Variants in CTDSPL observed in about 807,000 individuals in gnomAD.
CTDSPL encodes CTD small phosphatase-like protein.
In CTDSPL, 8 loss-of-function variants were observed where a neutral mutation model predicts 30.5. That is an observed-to-expected ratio of 0.26 (90% CI 0.15 to 0.47). CTDSPL has a LOEUF of 0.47. Among genes scored for constraint, CTDSPL ranks in the 20% least tolerant of loss-of-function variants. The probability of loss-of-function intolerance (pLI) is 0.99; values close to 1 mark genes in which losing one functional copy is unlikely to be tolerated. For synonymous variants in CTDSPL, 110 were observed against 137.9 expected (o/e 0.80, Z 1.42); for missense variants, 248 against 366.1 (o/e 0.68, Z 2.63).
At chr3:37,931,288 C>A (rs538577207) in intron 1 of CTDSPL, among the ~76,000 whole-genome samples, 9 of 152,118 alleles carry the variant, frequency 5.9e-5, no homozygotes, top group Admixed American at 2.0e-4. Context: ...GCTGGGACTA[C>A]AGGTGCACTC....
rs762730683 is a variant in CTDSPL at position 37,957,099 on chromosome 3, C to A, written c.235-12C>A. 1 of 1,583,634 alleles carries A rather than the reference C, an allele frequency of 6.3e-7. No homozygotes were observed. The highest frequency in any genetic ancestry group is 8.6e-7 in the Non-Finnish European group (1 of 1,163,602). On this transcript the variant is annotated splice_polypyrimidine_tract_variant and intron_variant, in intron 2 of 7. Transcript: ENST00000273179. ...CGAACCTGACAATGATTTTTTTTTT[C>A]TTTTTCCTCAGGGTGACCAGAGGCA...
chr3:37,862,254 C>G lies in CTDSPL; in HGVS notation c.55C>G (p.Arg19Gly), dbSNP rs985189337. 1.3e-6 allele frequency: 2 copies of G among 1,494,482 alleles called. No individual in the cohort carries two copies. Among genetic ancestry groups the G allele is most frequent in the African/African-American group, 1.5e-5 (1 of 68,274 alleles). The allele number at this position is 1,494,482 out of a possible 1,614,324, so 92.6% of individuals were successfully genotyped here. ...GACCAACCCCAAGGAGGACGAGGGCCGGTTGCCGGGCGCGGGCGAGAAAGG... is the reference window on the plus strand; with the variant it reads ...GACCAACCCCAAGGAGGACGAGGGCGGGTTGCCGGGCGCGGGCGAGAAAGG... ...QVTNPKEDEGRLPGAGEKASQ... is the reference protein window; with the variant it reads ...QVTNPKEDEGGLPGAGEKASQ... The change falls in exon 1 of 8, where the codon CGG (arginine) becomes GGG (glycine). Residue 19 changes from arginine to glycine, a missense_variant. By Grantham distance (125) the Arg-to-Gly change is moderately radical. Around this residue, in one of 4 missense-constraint regions of CTDSPL, gnomAD observed 118 missense variants for 124.7 expected, o/e 0.95. Transcript: ENST00000273179. The surrounding 1 kb of genome is among the most constrained non-coding windows in gnomAD (Gnocchi z 4.3).
chr3:37,895,600 T>A (rs1449372594), intron 1 of CTDSPL, among the ~76,000 whole-genome samples: 1 of 152,240 alleles, frequency 6.6e-6, no homozygotes, highest in Non-Finnish European at 1.5e-5. Flanking sequence ...CTTTTTCCAT[T>A]TTCCAAGTGT....
chr3:37,917,371 T>A (rs1355442563), intron 1 of CTDSPL, among the ~76,000 whole-genome samples: 1 of 152,246 alleles, frequency 6.6e-6, no homozygotes, highest in Non-Finnish European at 1.5e-5. Flanking sequence ...CTGGTTTATA[T>A]ACAAATGAAA....
At chr3:37,870,054 C>T (rs1022747680) in intron 1 of CTDSPL, among the ~76,000 whole-genome samples, 3 of 151,892 alleles carry the variant, frequency 2.0e-5, no homozygotes, top group Non-Finnish European at 4.4e-5. Context: ...TGTTGGTCTG[C>T]AGTTTTCTTT....
rs866986204 is a variant in CTDSPL, at chr3:37,941,391, T to C, written c.80-5666T>C. 1.3e-5 allele frequency among the ~76,000 whole-genome samples: 2 copies of C among 149,690 alleles called. 1 individual carries two copies. The highest frequency in any genetic ancestry group is 3.0e-5 in the Non-Finnish European group (2 of 66,762). ...CATCTTTGTGTGCTGGGACCGGCTA[T>C]GGGCATGCTTTCTTTCTATCTTTTT... On this transcript the variant is annotated intron_variant, in intron 1 of 7. Transcript: ENST00000273179.
chr3:37,949,987 G>A (rs1340115125), intron 2 of CTDSPL, among the ~76,000 whole-genome samples: 2 of 152,236 alleles, frequency 1.3e-5, no homozygotes. Context: ...ACACTCGAAT[G>A]TATAGTCCCA....
At chr3:37,945,932 G>A (rs1297377859) in intron 1 of CTDSPL, among the ~76,000 whole-genome samples, 2 of 152,234 alleles carry the variant, frequency 1.3e-5, no homozygotes, top group Non-Finnish European at 2.9e-5. Context: ...GAGGAACTAG[G>A]TGTTACACAA....
intron 7 of CTDSPL, among the ~76,000 whole-genome samples, chr3:37,979,039 A>G (rs949550040): frequency 1.3e-5 from 2 of 152,208 alleles, no homozygotes; most frequent in Non-Finnish European, 2.9e-5. Flanking sequence ...ACATAATTAT[A>G]TAATTGATCT....
chr3:37,865,091 G>A (rs1226607775), intron 1 of CTDSPL, among the ~76,000 whole-genome samples: 1 of 152,218 alleles, frequency 6.6e-6, no homozygotes, highest in African/African-American at 2.4e-5. Flanking sequence ...TTGACACATT[G>A]CCACGTGGTG....
chr3:37,972,788 G>C (rs1699382711), intron 6 of CTDSPL, among the ~76,000 whole-genome samples: 1 of 152,208 alleles, frequency 6.6e-6, no homozygotes, highest in South Asian at 2.1e-4. Flanking sequence ...TGATGGGGCT[G>C]ACACCATCCA....
chr3:37,874,732 AAAT>A (rs111575729), intron 1 of CTDSPL, among the ~76,000 whole-genome samples: 9 of 151,714 alleles, frequency 5.9e-5, no homozygotes, highest in Non-Finnish European at 1.0e-4. Context: ...CTGTCTCAAA[AAAT>A]AATAATAATA....
chr3:37,973,039 T>C (rs1191720506), intron 6 of CTDSPL, among the ~76,000 whole-genome samples: 5 of 152,230 alleles, frequency 3.3e-5, no homozygotes, highest in African/African-American at 1.2e-4. Flanking sequence ...TCTGTGATGA[T>C]TGAGGGGCGG....
chr3:37,913,750 C>G (rs1006523787), intron 1 of CTDSPL, among the ~76,000 whole-genome samples: 2 of 152,212 alleles, frequency 1.3e-5, no homozygotes, highest in Non-Finnish European at 2.9e-5. Context: ...CTCCAGGAAC[C>G]TACCAGCGTT....
rs776065712 is a variant in CTDSPL at position 37,971,424 on chromosome 3, G to A, written c.444G>A (p.Arg148=). ...CATTGCAGGTGTATGTGCTGAAGCG[G>A]CCACATGTGGACGAGTTCCTCCAGA... The part of the protein sequence containing the change: ...GTIHQVYVLK[R]PHVDEFLQRM... Residue 148 remains arginine, a synonymous_variant, in exon 6 of 8, where the codon CGG becomes CGA. Coordinates refer to ENST00000273179, the MANE Select transcript of CTDSPL (RefSeq NM_001008392.2). The A allele has an allele frequency of 8.1e-6, 13 of 1,614,000 alleles. No individual in the cohort carries two copies. Among genetic ancestry groups the A allele is most frequent in the Admixed American group, 6.7e-5 (4 of 59,988 alleles).
chr3:37,966,611 AAAC>A (rs1699301327), intron 4 of CTDSPL, among the ~76,000 whole-genome samples: 1 of 152,240 alleles, frequency 6.6e-6, no homozygotes, highest in Non-Finnish European at 1.5e-5. Flanking sequence ...ATATGATATT[AAAC>A]TCATCCTTGG....
intron 1 of CTDSPL, among the ~76,000 whole-genome samples, chr3:37,883,148 A>T (rs1419442364): frequency 6.6e-6 from 1 of 152,196 alleles, no homozygotes; most frequent in Non-Finnish European, 1.5e-5. Flanking sequence ...TTGGAAAGAG[A>T]ACAAAGACAT....
rs1285929392 is a variant in CTDSPL at position 37,984,285 on chromosome 3, G to A, written c.*3418G>A. The A allele has an allele frequency of 1.3e-5, 6 of 456,738 alleles. No homozygotes were observed. The highest frequency in any genetic ancestry group is 2.3e-5 in the Admixed American group (1 of 42,560). The allele number at this position is 456,738 out of a possible 1,614,324, so 28.3% of individuals were successfully genotyped here. ...AGACTGACACACCCTCCCCCACCCC[G>A]GGTAGTGGAGATGCTGGTGTCTGGG... On this transcript the variant is annotated 3_prime_UTR_variant, in exon 8 of 8. Coordinates refer to ENST00000273179, the MANE Select transcript of CTDSPL (RefSeq NM_001008392.2).
chr3:37,935,575 G>C (rs540909411), intron 1 of CTDSPL, among the ~76,000 whole-genome samples: 55 of 152,350 alleles, frequency 3.6e-4, no homozygotes, highest in African/African-American at 1.3e-3. Context: ...GTTTAGGGAA[G>C]TGCTGAGGCA....
Sources: gnomAD v4.1 joint callset for allele counts (sites outside exome capture counted in the v4.1 genomes callset) on GRCh38, gnomAD v4.1.1 for gene constraint, gnomAD v4.1.1 regional missense constraint, Gnocchi (gnomAD v3.1) non-coding constraint, MANE v1.5 for transcripts, NCBI Gene and HGNC (gene_info 2026-07-23, HGNC 2026-07-21) for gene names.